The following PCDHA1 variants were observed in gnomAD, a reference collection of about 807,000 sequenced individuals.
PCDHA1 encodes protocadherin alpha-1.
In PCDHA1, 42 loss-of-function variants were observed where a neutral mutation model predicts 61.3. The ratio of observed to expected loss-of-function variants is 0.69; its 90% CI spans 0.54 to 0.89. The LOEUF is 0.89. Among genes scored for constraint, PCDHA1 ranks in the 40% least tolerant of loss-of-function variants. The pLI, the probability that PCDHA1 is intolerant of heterozygous loss-of-function variation, is 0.00. For synonymous variants in PCDHA1, 610 were observed against 553.8 expected, an observed-to-expected ratio of 1.10 and a Z score of -1.43; for missense variants, 1,256 against 1,235.3, an observed-to-expected ratio of 1.02 and a Z score of -0.25.
intron 1 of PCDHA1, among the ~76,000 whole-genome samples, chr5:140,956,151 C>A (rs1193859248): frequency 6.6e-6 from 1 of 152,156 alleles, no homozygotes; most frequent in African/African-American, 2.4e-5. Flanking sequence ...CTTTCTCTTT[C>A]CTAATTGCCA....
intron 1 of PCDHA1, chr5:140,871,109 T>C: frequency 1.9e-6 from 3 of 1,613,236 alleles, no homozygotes; most frequent in Non-Finnish European, 2.5e-6. Context: ...GTGTCGTTGG[T>C]GGAGAGCGGA....
chr5:140,855,898 G>A (rs1376080339), intron 1 of PCDHA1: 3 of 1,069,996 alleles, frequency 2.8e-6, no homozygotes, highest in African/African-American at 1.6e-5. Context: ...AAAGGCATCA[G>A]CCAGTTTCTC....
intron 1 of PCDHA1, among the ~76,000 whole-genome samples, chr5:140,917,340 T>TG (rs2078149834): frequency 7.5e-6 from 1 of 132,986 alleles, no homozygotes; most frequent in Non-Finnish European, 1.6e-5. Context: ...AGGGGGGGGA[T>TG]GGTGTAGGCT....
chr5:140,992,258 A>G (rs1316409303), intron 3 of PCDHA1, among the ~76,000 whole-genome samples: 1 of 152,168 alleles, frequency 6.6e-6, no homozygotes, highest in African/African-American at 2.4e-5. Flanking sequence ...GCTAAAGATG[A>G]AAGTTCTTTT....
rs1199685974 is a variant in PCDHA1 at position 140,838,075 on chromosome 5, ATAGTGTGTGTGTGTGTGTGTGTGTGT to A, written c.2394+49392_2394+49417del. 9.4e-5 allele frequency among the ~76,000 whole-genome samples: 12 copies of A among 128,240 alleles called. 1 individual carries two copies. The highest frequency in any genetic ancestry group is 6.9e-4 in the East Asian group (3 of 4,320). The allele number at this position is 128,240 out of a possible 152,430, so 84.1% of individuals were successfully genotyped here. ...GTTTTCCACTTTAAGTTATATATAT[ATAGTGTGTGTGTGTGTGTGTGTGTGT>A]GTGTGTGTGTGTGTGTGTGTGTGTG... On this transcript the variant is annotated intron_variant, in intron 1 of 3. Transcript: ENST00000504120.
At chr5:140,977,097 G>T (rs988046010) in intron 1 of PCDHA1, among the ~76,000 whole-genome samples, 2 of 152,222 alleles carry the variant, frequency 1.3e-5, no homozygotes, top group African/African-American at 4.8e-5. Flanking sequence ...GTGTCATTGG[G>T]GAAGTGAGAT....
At chr5:140,951,737 C>T (rs1223539805) in intron 1 of PCDHA1, among the ~76,000 whole-genome samples, 1 of 152,130 alleles carries the variant, frequency 6.6e-6, no homozygotes, top group Non-Finnish European at 1.5e-5. Context: ...CATTCTGCCA[C>T]TGCCCTCACC....
chr5:140,838,063 A>C (rs1775401447), intron 1 of PCDHA1, among the ~76,000 whole-genome samples: 1 of 128,138 alleles, frequency 7.8e-6, no homozygotes. Flanking sequence ...TTCCACTTTA[A>C]GTTATATATA....
chr5:140,803,160 G>A, intron 1 of PCDHA1: 1 of 1,613,870 alleles, frequency 6.2e-7, no homozygotes, highest in Non-Finnish European at 8.5e-7. Flanking sequence ...GAAGGACCAC[G>A]GTGAACCCTC....
At chr5:140,870,606 C>T (rs781958673) in intron 1 of PCDHA1, 24 of 1,613,142 alleles carry the variant, frequency 1.5e-5, no homozygotes, top group Non-Finnish European at 3.4e-6. Flanking sequence ...TGGGCGACCG[C>T]GCGCTGTCGA....
At chr5:140,822,892 G>T (rs2150120154) in intron 1 of PCDHA1, 2 of 1,614,212 alleles carry the variant, frequency 1.2e-6, no homozygotes, top group East Asian at 4.5e-5. Flanking sequence ...TCTGATCAGC[G>T]TGTCTGACCG....
At position 140,858,707 on chromosome 5, in the gene PCDHA1, A is replaced by G. The variant is rs1234055961; in HGVS notation, c.2394+70023A>G. On this transcript the variant is annotated intron_variant, in intron 1 of 3. Transcript: ENST00000504120. The stretch of plus-strand genomic sequence containing the variant: ...TAATATTTTCCAATACAAATATGTG[A>G]TATAGGTTGCAGTTCTGACGATTTA... 2 of 547,800 alleles carry G rather than the reference A, an allele frequency of 3.7e-6. 1 individual carries two copies. Among genetic ancestry groups the G allele is most frequent in the Non-Finnish European group, 6.3e-6 (2 of 316,316 alleles). The allele number at this position is 547,800 out of a possible 1,614,324, so 33.9% of individuals were successfully genotyped here.
intron 1 of PCDHA1, chr5:140,806,985 C>G: frequency 1.5e-6 from 1 of 647,568 alleles, no homozygotes; most frequent in Non-Finnish European, 2.6e-6. Context: ...GGTTTGGAGC[C>G]ACATGATGTC....
At chr5:140,805,603 AT>A (rs1562201492) in intron 1 of PCDHA1, 6 of 922,354 alleles carry the variant, frequency 6.5e-6, no homozygotes, top group Non-Finnish European at 7.8e-6. Context: ...TATATATTAA[AT>A]TTCTTTATGT....
At chr5:140,906,030 T>G (rs1554192342) in intron 1 of PCDHA1, among the ~76,000 whole-genome samples, 1 of 152,196 alleles carries the variant, frequency 6.6e-6, no homozygotes, top group Non-Finnish European at 1.5e-5. Flanking sequence ...CACGTTCTTC[T>G]GTCTGCTTTT....
intron 1 of PCDHA1, chr5:140,824,318 C>T (rs147635859): frequency 2.7e-6 from 2 of 727,886 alleles, no homozygotes; most frequent in Admixed American, 5.5e-5. Context: ...GATTCATCAG[C>T]TTTCTGTGAT....
At chr5:140,835,852 T>C (rs1554135337) in intron 1 of PCDHA1, 1 of 1,612,246 alleles carries the variant, frequency 6.2e-7, no homozygotes, top group Non-Finnish European at 8.5e-7. Context: ...AACGCGCTGG[T>C]GTCCTACTCG....
Position 140,850,846 on chromosome 5 carries a change from A to G in PCDHA1, c.2394+62162A>G, listed in dbSNP as rs1183689960. 8 of 1,596,424 alleles carry G rather than the reference A, an allele frequency of 5.0e-6. 2 individuals carry two copies. Among genetic ancestry groups the G allele is most frequent in the Non-Finnish European group, 6.0e-6 (7 of 1,166,358 alleles). On this transcript the variant is annotated intron_variant, in intron 1 of 3. Coordinates refer to ENST00000504120, the MANE Select transcript of PCDHA1 (RefSeq NM_018900.4). ...CTTTCTCCTTGTGCTGGATCTACAG[A>G]GCGAACGGGAGAACCCTCTGCTTCC...
intron 1 of PCDHA1, chr5:140,853,701 C>T: frequency 1.0e-6 from 1 of 987,936 alleles, no homozygotes; most frequent in Non-Finnish European, 1.2e-6. Context: ...CCTGCTAACG[C>T]ATTAGCATTA....
Sources: allele counts gnomAD v4.1 joint callset (sites outside exome capture counted in the v4.1 genomes callset), GRCh38; gene constraint gnomAD v4.1.1; transcripts MANE v1.5; gene names NCBI Gene and HGNC (gene_info 2026-07-23, HGNC 2026-07-21).